The following FAXDC2 variants were observed in gnomAD, a reference collection of about 807,000 sequenced individuals.
FAXDC2 encodes fatty acid hydroxylase domain-containing protein 2.
FAXDC2 carries 41 observed loss-of-function variants against 40.9 expected under a neutral mutation model. That is an observed-to-expected ratio of 1.00 (90% CI 0.78 to 1.30). The LOEUF is 1.30. Among genes scored for constraint, FAXDC2 ranks in the 50% most tolerant of loss-of-function variants. FAXDC2 has a pLI of 0.00. For synonymous variants in FAXDC2, 157 were observed against 149.3 expected (o/e 1.05, Z -0.38); for missense variants, 390 against 408.8 (o/e 0.95, Z 0.40).
In FAXDC2 at chr5:154,830,786, T is replaced by G. The variant is rs1367538965; in HGVS notation, c.366+15A>C. The G allele has an allele frequency of 6.2e-7, 1 of 1,609,912 alleles. No individual in the cohort carries two copies. The highest frequency in any genetic ancestry group is 8.5e-7 in the Non-Finnish European group (1 of 1,178,234). On this transcript the variant is annotated intron_variant, in intron 5 of 8. Coordinates refer to ENST00000326080, the MANE Select transcript of FAXDC2 (RefSeq NM_032385.5). ...TGCTTTCTGTGCTTTGACCAGAAGT[T>G]GCAACAACACTTACAGGTTCATTCT...
chr5:154,844,825 G>A (rs1272642826), intron 1 of FAXDC2, among the ~76,000 whole-genome samples: 1 of 152,130 alleles, frequency 6.6e-6, no homozygotes, highest in African/African-American at 2.4e-5. Flanking sequence ...CACTCTACAG[G>A]GCAGAGTGCT....
chr5:154,822,437 G>T, intron 7 of FAXDC2, 35 bp downstream of exon 7: 1 of 1,503,778 alleles, frequency 6.6e-7, no homozygotes, highest in Non-Finnish European at 9.3e-7. Context: ...GGGGCCATCT[G>T]CCCTTTGCTC....
rs187793928 is a variant in FAXDC2 at position 154,848,041 on chromosome 5, A to G, written c.-1+2442T>C. Among the ~76,000 whole-genome samples the G allele has an allele frequency of 5.0e-3, 754 of 151,954 alleles. 8 individuals are homozygous for G. In the South Asian group the frequency reaches 0.052, roughly 10 times the overall value. ...TTTTTAGTAGAGACAGGGTTTCACCATGTTAGCCAGGATGGTCTTGATCTT... is the reference window on the plus strand; with the variant it reads ...TTTTTAGTAGAGACAGGGTTTCACCGTGTTAGCCAGGATGGTCTTGATCTT... On this transcript the variant is annotated intron_variant, in intron 1 of 8. Coordinates refer to ENST00000326080, the MANE Select transcript of FAXDC2 (RefSeq NM_032385.5).
intron 1 of FAXDC2, chr5:154,838,415 A>G (rs961425822): frequency 1.9e-6 from 1 of 514,776 alleles, no homozygotes; most frequent in African/African-American, 2.0e-5. Context: ...GGAGGGGGCT[A>G]CTAGGTCTAC....
At chr5:154,841,471 G>A (rs1760472979) in intron 1 of FAXDC2, among the ~76,000 whole-genome samples, 1 of 152,170 alleles carries the variant, frequency 6.6e-6, no homozygotes, top group Non-Finnish European at 1.5e-5. Context: ...AGCTGAGCAA[G>A]CATTTCAGGA....
At chr5:154,844,082 G>T (rs2113169016) in intron 1 of FAXDC2, among the ~76,000 whole-genome samples, 1 of 152,278 alleles carries the variant, frequency 6.6e-6, no homozygotes, top group South Asian at 2.1e-4. Context: ...AGCTGGGCAT[G>T]GTGGCGGGTG....
chr5:154,826,669 T>C (rs773369819), intron 5 of FAXDC2, among the ~76,000 whole-genome samples: 1 of 151,976 alleles, frequency 6.6e-6, no homozygotes, highest in African/African-American at 2.4e-5. Context: ...AATGAAACCA[T>C]ATCATTGGTG....
intron 2 of FAXDC2, among the ~76,000 whole-genome samples, chr5:154,836,605 G>GT (rs1760354975): frequency 6.6e-6 from 1 of 152,132 alleles, no homozygotes; most frequent in African/African-American, 2.4e-5. Context: ...CATGTACAGG[G>GT]TGTCAGAGGG....
At chr5:154,849,206 G>A (rs1377821204) in intron 1 of FAXDC2, among the ~76,000 whole-genome samples, 1 of 152,092 alleles carries the variant, frequency 6.6e-6, no homozygotes, top group Non-Finnish European at 1.5e-5. Flanking sequence ...CTTGAACCCA[G>A]GAGGTGGAGG....
chr5:154,820,336 A>G lies in FAXDC2; in HGVS notation c.982T>C (p.Ser328Pro). The G allele has an allele frequency of 6.2e-7, 1 of 1,611,710 alleles. No individual in the cohort carries two copies. The highest frequency in any genetic ancestry group is 8.5e-7 in the Non-Finnish European group (1 of 1,178,844). Residue 328 changes from serine to proline, a missense_variant, in exon 9 of 9, where the codon TCC (serine) becomes CCC (proline). Physicochemically the swap from Ser to Pro is moderately conservative, Grantham distance 74 (BLOSUM62 -1). Coordinates refer to ENST00000326080, the MANE Select transcript of FAXDC2 (RefSeq NM_032385.5). The stretch of plus-strand genomic sequence containing the variant: ...GTCTCTCACTCCATCCTCTTTGGGG[A>G]GTCTGGGATGCTCTCAGAGAGCGGG... ...FTPLSESIPD[S>P]PKRME is the part of the protein sequence containing the mutation.
At chr5:154,825,650 C>CAAAAAAAA (rs386358555) in intron 5 of FAXDC2, among the ~76,000 whole-genome samples, 411 of 30,118 alleles carry the variant, frequency 0.014, 128 homozygotes, top group African/African-American at 0.057. Flanking sequence ...GACTCCGTCT[C>CAAAAAAAA]AAAAAAAAAA....
chr5:154,828,411 AAG>A (rs1760098427), intron 5 of FAXDC2, among the ~76,000 whole-genome samples: 1 of 152,126 alleles, frequency 6.6e-6, no homozygotes, highest in African/African-American at 2.4e-5. Flanking sequence ...CAAGAAAGCA[AAG>A]AGAGAATTGC....
Position 154,848,974 on chromosome 5 carries a change from C to CA in FAXDC2, c.-1+1508dup, listed in dbSNP as rs1554094954. On this transcript the variant is annotated intron_variant, in intron 1 of 8. Transcript: ENST00000326080. ...AGAGCAAGAGTCTGTCTCAAAAAAA[C>CA]AAAAAAAAACAAAGATGAAATGCGG... Among the ~76,000 whole-genome samples, 250 of 138,300 alleles carry CA rather than the reference C, an allele frequency of 1.8e-3. 1 individual carries two copies. Among genetic ancestry groups the CA allele is most frequent in the Admixed American group, 5.1e-3 (70 of 13,768 alleles). The allele number at this position is 138,300 out of a possible 152,430, so 90.7% of individuals were successfully genotyped here.
intron 1 of FAXDC2, among the ~76,000 whole-genome samples, chr5:154,843,281 C>A (rs1056032033): frequency 2.6e-5 from 4 of 152,162 alleles, no homozygotes; most frequent in African/African-American, 9.7e-5. Flanking sequence ...TAGCCTTTTC[C>A]CTGTCTTATC....
intron 5 of FAXDC2, chr5:154,824,564 T>G (rs1162892803): frequency 4.3e-6 from 3 of 702,508 alleles, no homozygotes; most frequent in Non-Finnish European, 7.8e-6. Context: ...CAGCCTGTTG[T>G]GAGAGGACAT....
intron 7 of FAXDC2, chr5:154,822,084 C>T (rs922113938): frequency 1.8e-5 from 3 of 169,690 alleles, no homozygotes; most frequent in Non-Finnish European, 3.8e-5. Context: ...AGTGAGACTC[C>T]AGATTTGGTG....
At chr5:154,835,084 T>C (rs1031829451) in intron 2 of FAXDC2, 150 bp from the exon 3 acceptor site, 26 of 615,764 alleles carry the variant, frequency 4.2e-5, no homozygotes, top group Non-Finnish European at 7.0e-5. Context: ...TTTTCCAGCT[T>C]CTGTGGGAGC....
intron 5 of FAXDC2, among the ~76,000 whole-genome samples, chr5:154,827,162 A>G (rs1013596155): frequency 6.6e-6 from 1 of 152,076 alleles, no homozygotes; most frequent in Non-Finnish European, 1.5e-5. Context: ...AAAATTACCC[A>G]GGCGTGATGG....
At chr5:154,840,693 G>C (rs753468844) in intron 1 of FAXDC2, among the ~76,000 whole-genome samples, 1 of 152,080 alleles carries the variant, frequency 6.6e-6, no homozygotes, top group East Asian at 1.9e-4. Flanking sequence ...ACAGACTACA[G>C]GCACATACCA....
Sources: gnomAD v4.1 joint callset for allele counts (sites outside exome capture counted in the v4.1 genomes callset) on GRCh38, gnomAD v4.1.1 for gene constraint, MANE v1.5 for transcripts, NCBI Gene and HGNC (gene_info 2026-07-23, HGNC 2026-07-21) for gene names.